NRG1: variants seen among roughly 807,000 people sequenced by gnomAD.
The protein encoded by NRG1 is pro-neuregulin-1, membrane-bound isoform.
In NRG1, 18 loss-of-function variants were observed where a neutral mutation model predicts 63.8. The observed-to-expected ratio is 0.28, with a 90% confidence interval of 0.19 to 0.42. The LOEUF (loss-of-function observed/expected upper bound fraction) is 0.42, where lower values mean the gene tolerates loss of function less well. Among genes scored for constraint, NRG1 ranks in the 10% least tolerant of loss-of-function variants. NRG1 has a pLI of 1.00. For missense variants in NRG1, 762 were observed against 814.7 expected (o/e 0.94, Z 0.79); for synonymous variants, 302 against 301.3 (o/e 1.00, Z -0.02).
chr8:31,921,315 G>T (rs1273786954), intron 1 of NRG1, among the ~76,000 whole-genome samples: 1 of 152,120 alleles, frequency 6.6e-6, no homozygotes, highest in Admixed American at 6.6e-5. Context: ...GGGCCACTGT[G>T]TTCTCAACTG....
intron 1 of NRG1, among the ~76,000 whole-genome samples, chr8:32,560,367 C>T (rs1268593728): frequency 6.6e-6 from 1 of 152,102 alleles, no homozygotes; most frequent in Non-Finnish European, 1.5e-5. Context: ...CAGAGTTTAG[C>T]ATTTCACATC....
rs1807216503 is a variant in NRG1, at chr8:31,672,126, C to T, written c.37+32695C>T. The stretch of plus-strand genomic sequence containing the variant: ...AATGTTTCCTATCTAGGTGTTTTTT[C>T]CTCCCTGTTAAGTATCAGCACAGTG... On this transcript the variant is annotated intron_variant, in intron 1 of 10. Transcript: ENST00000519301. 2.0e-5 allele frequency among the ~76,000 whole-genome samples: 3 copies of T among 151,970 alleles called. No homozygotes were observed. In the South Asian group the frequency reaches 6.2e-4, roughly 32 times the overall value.
chr8:32,685,728 A>G (rs988406791), intron 5 of NRG1, among the ~76,000 whole-genome samples: 2 of 152,206 alleles, frequency 1.3e-5, no homozygotes, highest in African/African-American at 4.8e-5. Flanking sequence ...AGAGTAGAGG[A>G]AAATGTGGTC....
intron 1 of NRG1, among the ~76,000 whole-genome samples, chr8:32,348,922 A>C (rs11994096): frequency 0.021 from 3,200 of 152,338 alleles, 108 homozygotes; most frequent in African/African-American, 0.073. Context: ...TCAGACTTTG[A>C]GGACAAGATC....
intron 1 of NRG1, among the ~76,000 whole-genome samples, chr8:32,352,888 A>T (rs904916069): frequency 1.5e-5 from 2 of 137,770 alleles, no homozygotes; most frequent in Non-Finnish European, 3.2e-5. Context: ...AATTTTTTAA[A>T]ATATATATAT....
chr8:32,352,077 G>A (rs1057129102), intron 1 of NRG1, among the ~76,000 whole-genome samples: 3 of 151,724 alleles, frequency 2.0e-5, no homozygotes, highest in African/African-American at 4.8e-5. Flanking sequence ...TATAAATCTG[G>A]TTGGCAGTGG....
chr8:31,884,691 T>C (rs1434476563), intron 1 of NRG1, among the ~76,000 whole-genome samples: 1 of 152,128 alleles, frequency 6.6e-6, no homozygotes, highest in African/African-American at 2.4e-5. Context: ...AATTTCCCAG[T>C]TTATAGCATA....
chr8:31,895,142 G>C (rs1831474680), intron 1 of NRG1, among the ~76,000 whole-genome samples: 1 of 152,332 alleles, frequency 6.6e-6, no homozygotes, highest in South Asian at 2.1e-4. Context: ...AGGAAGAAAT[G>C]AGAGATTAAG....
At chr8:31,732,439 T>C (rs1814186378) in intron 1 of NRG1, among the ~76,000 whole-genome samples, 1 of 152,174 alleles carries the variant, frequency 6.6e-6, no homozygotes, top group Non-Finnish European at 1.5e-5. Flanking sequence ...TTTTGGAACG[T>C]ATACAAATGG....
chr8:31,968,531 G>C (rs1441548787), intron 1 of NRG1, among the ~76,000 whole-genome samples: 1 of 152,120 alleles, frequency 6.6e-6, no homozygotes, highest in Non-Finnish European at 1.5e-5. Context: ...CAGAGACCCT[G>C]ACTGATTTGT....
chr8:32,190,601 C>A (rs149677802), intron 1 of NRG1, among the ~76,000 whole-genome samples: 1 of 152,114 alleles, frequency 6.6e-6, no homozygotes, highest in Non-Finnish European at 1.5e-5. Context: ...AAACAGCTAT[C>A]GGGATGGTGT....
intron 1 of NRG1, among the ~76,000 whole-genome samples, chr8:32,418,390 T>C (rs1194923761): frequency 1.4e-5 from 2 of 147,076 alleles, no homozygotes; most frequent in Non-Finnish European, 3.0e-5. Flanking sequence ...TATTTAATAA[T>C]ATATTCTCTT....
intron 10 of NRG1, among the ~76,000 whole-genome samples, chr8:32,759,639 A>G (rs1382799108): frequency 6.6e-6 from 1 of 152,186 alleles, no homozygotes; most frequent in Non-Finnish European, 1.5e-5. Context: ...GTTGTTTCCC[A>G]TTCCTGAGAT....
chr8:32,764,500 G>T, exon 12 of NRG1: 4 of 1,142,050 alleles, frequency 3.5e-6, no homozygotes, highest in Admixed American at 7.0e-5. Flanking sequence ...TAGCAGTTCT[G>T]CAAATAGAAA....
intron 1 of NRG1, among the ~76,000 whole-genome samples, chr8:32,271,424 T>A (rs1231695718): frequency 6.6e-6 from 1 of 152,188 alleles, no homozygotes; most frequent in Non-Finnish European, 1.5e-5. Flanking sequence ...GAGAAGAGAC[T>A]GAGTATTTGT....
At chr8:32,136,166 G>T (rs1230550265) in intron 1 of NRG1, among the ~76,000 whole-genome samples, 1 of 152,176 alleles carries the variant, frequency 6.6e-6, no homozygotes, top group Non-Finnish European at 1.5e-5. Context: ...TTCAGTTGCT[G>T]TTCAGGATAA....
intron 2 of NRG1, among the ~76,000 whole-genome samples, chr8:32,600,944 G>C (rs1047834871): frequency 3.9e-5 from 6 of 152,118 alleles, no homozygotes; most frequent in Admixed American, 2.0e-4. Context: ...CTTATAGACA[G>C]AGTATGGTAT....
intron 1 of NRG1, among the ~76,000 whole-genome samples, chr8:32,499,111 A>T (rs1827559837): frequency 6.6e-6 from 1 of 152,168 alleles, no homozygotes; most frequent in African/African-American, 2.4e-5. Flanking sequence ...AGCAGAAAAG[A>T]GCAAATCTCA....
At chr8:32,225,236 A>G (rs1329013652) in intron 1 of NRG1, among the ~76,000 whole-genome samples, 1 of 152,212 alleles carries the variant, frequency 6.6e-6, no homozygotes, top group Non-Finnish European at 1.5e-5. Flanking sequence ...GTAAGTGGAC[A>G]AAGTAGTTAC....
Sources: allele counts gnomAD v4.1 joint callset (sites outside exome capture counted in the v4.1 genomes callset), GRCh38; gene constraint gnomAD v4.1.1; transcripts MANE v1.5; gene names NCBI Gene and HGNC (gene_info 2026-07-23, HGNC 2026-07-21).